Variants in UHRF2 observed in about 807,000 individuals in gnomAD.
UHRF2 encodes E3 ubiquitin-protein ligase UHRF2.
In UHRF2, 23 loss-of-function variants were observed where a neutral mutation model predicts 96.8. That is an observed-to-expected ratio of 0.24 (90% confidence interval 0.17 to 0.34). The LOEUF (loss-of-function observed/expected upper bound fraction) is 0.34, where lower values mean the gene tolerates loss of function less well. Ranked by LOEUF, UHRF2 falls within the 10% of genes least tolerant of loss-of-function variation. The pLI is 1.00. For missense variants in UHRF2, 685 were observed against 981.5 expected, an observed-to-expected ratio of 0.70 and a Z score of 4.04; for synonymous variants, 385 against 332.6, an observed-to-expected ratio of 1.16 and a Z score of -1.72.
At chr9:6,481,048 G>A (rs540589002) in intron 6 of UHRF2, among the ~76,000 whole-genome samples, 3 of 152,244 alleles carry the variant, frequency 2.0e-5, no homozygotes, top group African/African-American at 4.8e-5. Flanking sequence ...TTCTGTAGAC[G>A]TATACCTTGC....
chr9:6,498,343 C>A, intron 12 of UHRF2, 185 bp downstream of exon 12: 1 of 551,776 alleles, frequency 1.8e-6, no homozygotes, highest in Non-Finnish European at 2.8e-6. Context: ...TGTCAGACTG[C>A]CCTGGGACCA....
At chr9:6,422,050 G>A (rs182603156) in intron 2 of UHRF2, among the ~76,000 whole-genome samples, 1 of 152,220 alleles carries the variant, frequency 6.6e-6, no homozygotes, top group East Asian at 1.9e-4. Context: ...AAACAGTGCT[G>A]TTTTGAACCT....
chr9:6,466,752 G>A (rs974001026), intron 4 of UHRF2, among the ~76,000 whole-genome samples: 1 of 152,188 alleles, frequency 6.6e-6, no homozygotes, highest in South Asian at 2.1e-4. Flanking sequence ...CTTCGGCCAT[G>A]CTGGCCTCCT....
At chr9:6,502,243 T>G (rs1301477610) in intron 14 of UHRF2, among the ~76,000 whole-genome samples, 1 of 152,222 alleles carries the variant, frequency 6.6e-6, no homozygotes, top group Non-Finnish European at 1.5e-5. Context: ...ACTGGTACTC[T>G]TGTGCCCAGA....
chr9:6,491,305 C>G (rs1339741892), intron 9 of UHRF2, among the ~76,000 whole-genome samples: 1 of 152,178 alleles, frequency 6.6e-6, no homozygotes, highest in Non-Finnish European at 1.5e-5. Context: ...GAACCTCTGC[C>G]ACATCTGTAA....
At chr9:6,443,108 A>G (rs139571836) in intron 3 of UHRF2, among the ~76,000 whole-genome samples, 66 of 152,322 alleles carry the variant, frequency 4.3e-4, no homozygotes, top group African/African-American at 1.5e-3. Flanking sequence ...AAGAAGGAAA[A>G]TTCTTATGAA....
intron 8 of UHRF2, among the ~76,000 whole-genome samples, chr9:6,485,817 A>T (rs1355596718): frequency 2.0e-5 from 3 of 147,280 alleles, no homozygotes; most frequent in African/African-American, 5.3e-5. Flanking sequence ...AAAAAAAAAA[A>T]AAAAAAAAAA....
At chr9:6,461,206 T>C (rs1196963042) in intron 4 of UHRF2, among the ~76,000 whole-genome samples, 4 of 152,198 alleles carry the variant, frequency 2.6e-5, no homozygotes, top group African/African-American at 9.6e-5. Context: ...TTTTCCTTCA[T>C]AGTGATTTTT....
chr9:6,416,754 C>T (rs1006289792), intron 1 of UHRF2, among the ~76,000 whole-genome samples: 2 of 150,280 alleles, frequency 1.3e-5, no homozygotes, highest in Non-Finnish European at 3.0e-5. Context: ...GTCTCGATCT[C>T]CTGACCTCGT....
intron 3 of UHRF2, among the ~76,000 whole-genome samples, chr9:6,441,316 G>C (rs950674626): frequency 1.3e-5 from 2 of 151,986 alleles, no homozygotes; most frequent in African/African-American, 4.8e-5. Flanking sequence ...GGAGGTTGCA[G>C]TGAGTGAAGA....
intron 8 of UHRF2, among the ~76,000 whole-genome samples, chr9:6,486,591 A>G (rs66509816): frequency 0.17 from 26,261 of 151,516 alleles, 2,428 homozygotes; most frequent in East Asian, 0.28. Flanking sequence ...CTCAGAACCT[A>G]AAGGATATGT....
intron 1 of UHRF2, among the ~76,000 whole-genome samples, chr9:6,414,643 G>C (rs899114499): frequency 6.6e-6 from 1 of 152,162 alleles, no homozygotes; most frequent in Admixed American, 6.5e-5. Context: ...CCACAGTTTG[G>C]CTCCAATCCT....
intron 4 of UHRF2, among the ~76,000 whole-genome samples, chr9:6,471,643 A>T (rs764899403): frequency 6.6e-6 from 1 of 152,128 alleles, no homozygotes; most frequent in Non-Finnish European, 1.5e-5. Flanking sequence ...CCCCTGACCA[A>T]TGGCTTAACT....
chr9:6,485,681 T>C (rs1273356449), intron 8 of UHRF2, among the ~76,000 whole-genome samples: 1 of 143,552 alleles, frequency 7.0e-6, no homozygotes, highest in African/African-American at 2.6e-5. Context: ...AACAATTGTA[T>C]TGGCCAGGCG....
chr9:6,487,683 G>A (rs910342820), intron 9 of UHRF2, among the ~76,000 whole-genome samples: 7 of 152,080 alleles, frequency 4.6e-5, no homozygotes, highest in Non-Finnish European at 8.8e-5. Flanking sequence ...TGTATTTTTA[G>A]TAGAGCTGGG....
intron 5 of UHRF2, among the ~76,000 whole-genome samples, chr9:6,476,794 T>C (rs1247155446): frequency 6.6e-6 from 1 of 151,988 alleles, no homozygotes; most frequent in African/African-American, 2.4e-5. Context: ...GGGGTTTCAC[T>C]GTGTTGGCCA....
At position 6,433,953 on chromosome 9, in the gene UHRF2, G is replaced by T. The variant is rs961114790; in HGVS notation, c.424G>T (p.Ala142Ser). ...GGATGCCAGAGATGTCGGCCTTGGTGCTTGGTTTGAAGCACACATACATAG... is the reference window on the plus strand; with the variant it reads ...GGATGCCAGAGATGTCGGCCTTGGTTCTTGGTTTGAAGCACACATACATAG... ...LVDARDVGLGAWFEAHIHSVT... is the reference protein window; with the variant it reads ...LVDARDVGLGSWFEAHIHSVT... The change falls in exon 3 of 16, where the codon GCT becomes TCT. Residue 142 changes from alanine (A) to serine (S), a missense_variant. Around this residue, in one of 6 missense-constraint regions of UHRF2, gnomAD observed 391 missense variants for 437.0 expected, o/e 0.89. Transcript: ENST00000276893. The T allele has an allele frequency of 2.5e-6, 4 of 1,612,044 alleles. No individual in the cohort carries two copies. Among genetic ancestry groups the T allele is most frequent in the Non-Finnish European group, 3.4e-6 (4 of 1,178,348 alleles).
intron 8 of UHRF2, among the ~76,000 whole-genome samples, chr9:6,483,427 A>G (rs991221000): frequency 7.2e-5 from 11 of 151,954 alleles, no homozygotes; most frequent in African/African-American, 2.4e-4. Context: ...TAGATTACCT[A>G]TAATACCTAA....
intron 2 of UHRF2, chr9:6,422,936 G>A: frequency 3.0e-6 from 1 of 333,696 alleles, no homozygotes; most frequent in Admixed American, 4.8e-5. Context: ...TTTGGCTTTT[G>A]TAACCAGCAA....
Sources: allele counts gnomAD v4.1 joint callset (sites outside exome capture counted in the v4.1 genomes callset), GRCh38; gene constraint gnomAD v4.1.1; regional missense constraint gnomAD v4.1.1; transcripts MANE v1.5; gene names NCBI Gene and HGNC (gene_info 2026-07-23, HGNC 2026-07-21).